PDE10A: variants seen among roughly 807,000 people sequenced by gnomAD.
PDE10A encodes cAMP and cAMP-inhibited cGMP 3',5'-cyclic phosphodiesterase 10A.
PDE10A carries 39 observed loss-of-function variants against 97.7 expected under a neutral mutation model. The observed-to-expected ratio is 0.40, with a 90% CI of 0.31 to 0.52. PDE10A has a LOEUF of 0.52. Among genes scored for constraint, PDE10A ranks in the 20% least tolerant of loss-of-function variants. The pLI is 0.56. For missense variants in PDE10A, 731 were observed against 1,047.8 expected, an observed-to-expected ratio of 0.70 and a Z score of 4.17; for synonymous variants, 371 against 376.8, an observed-to-expected ratio of 0.98 and a Z score of 0.18.
chr6:165,345,480 T>C (rs2128182524), intron 18 of PDE10A, among the ~76,000 whole-genome samples: 1 of 152,336 alleles, frequency 6.6e-6, no homozygotes, highest in Non-Finnish European at 1.5e-5. Context: ...GAAATATTAA[T>C]TGGGATCAAC....
intron 1 of PDE10A, among the ~76,000 whole-genome samples, chr6:165,563,209 G>A (rs1449735246): frequency 8.4e-6 from 1 of 119,372 alleles, no homozygotes; most frequent in African/African-American, 3.1e-5. Context: ...AGGGAGGGGG[G>A]AAAAAGAAAA....
At chr6:165,798,182 A>G (rs1405448798) in intron 1 of PDE10A, among the ~76,000 whole-genome samples, 1 of 152,248 alleles carries the variant, frequency 6.6e-6, no homozygotes, top group East Asian at 1.9e-4. Context: ...CTCAAAAATA[A>G]TATCACCATC....
intron 1 of PDE10A, among the ~76,000 whole-genome samples, chr6:165,960,041 T>C (rs147775431): frequency 5.7e-4 from 87 of 151,904 alleles, no homozygotes; most frequent in African/African-American, 2.1e-3. Flanking sequence ...ACCCAACACA[T>C]AGAACCAAGG....
At chr6:165,553,223 T>C (rs1414495096) in intron 1 of PDE10A, among the ~76,000 whole-genome samples, 2 of 152,188 alleles carry the variant, frequency 1.3e-5, no homozygotes, top group Non-Finnish European at 2.9e-5. Flanking sequence ...ATTTCTTTTT[T>C]TGGGGAGGAG....
intron 1 of PDE10A, among the ~76,000 whole-genome samples, chr6:165,630,200 T>C (rs541190891): frequency 6.6e-6 from 1 of 152,118 alleles, no homozygotes; most frequent in Admixed American, 6.5e-5. Context: ...ATACAAAAAT[T>C]AGCCAGGCGT....
intron 9 of PDE10A, 135 bp downstream of exon 9, chr6:165,430,152 C>A: frequency 1.6e-6 from 1 of 618,914 alleles, no homozygotes; most frequent in Non-Finnish European, 2.9e-6. Context: ...ATATGATTAA[C>A]CGTTCCCAGA....
At chr6:165,632,420 T>C (rs1788677326) in intron 1 of PDE10A, among the ~76,000 whole-genome samples, 1 of 152,090 alleles carries the variant, frequency 6.6e-6, no homozygotes, top group African/African-American at 2.4e-5. Context: ...GGACAAACAG[T>C]GAGACCTTCT....
chr6:165,576,768 T>A (rs1313330811), intron 1 of PDE10A, among the ~76,000 whole-genome samples: 1 of 152,232 alleles, frequency 6.6e-6, no homozygotes, highest in Admixed American at 6.5e-5. Context: ...CTGATTTCTG[T>A]CAACAGTACC....
chr6:165,935,516 A>G lies in PDE10A; in HGVS notation c.-615+52013T>C, dbSNP rs1284115792. Among the ~76,000 whole-genome samples the G allele has an allele frequency of 4.6e-5, 7 of 152,242 alleles. No individual in the cohort carries two copies. In the East Asian group the frequency reaches 9.6e-4, roughly 21 times the overall value. The stretch of plus-strand genomic sequence containing the variant: ...GGATCGATTTCTAAGGAAGAGGGAA[A>G]TCGTGGGCAAAATCCCAGGCAAGAA... On this transcript the variant is annotated intron_variant, in intron 1 of 19. Transcript: ENST00000366882.
At chr6:165,707,273 G>A (rs1274076926) in intron 1 of PDE10A, among the ~76,000 whole-genome samples, 1 of 152,162 alleles carries the variant, frequency 6.6e-6, no homozygotes, top group East Asian at 1.9e-4. Flanking sequence ...TGGGTGGCGG[G>A]CAGCTTGGTC....
Position 165,332,661 on chromosome 6 carries a change from AC to A in PDE10A, c.*363del. 4.5e-6 allele frequency: 1 copy of A among 222,634 alleles called. No individual in the cohort carries two copies. The highest frequency in any genetic ancestry group is 8.8e-6 in the Non-Finnish European group (1 of 113,180). The allele number at this position is 222,634 out of a possible 1,614,324, so 13.8% of individuals were successfully genotyped here. On this transcript the variant is annotated 3_prime_UTR_variant, in exon 22 of 22. Coordinates refer to ENST00000539869, the MANE Select transcript of PDE10A (RefSeq NM_001385079.1). ...CAATACCATAATAGTACCATTTTAA[AC>A]CCTTATTAGAAAGATACAATGGAAA...
At chr6:165,568,342 A>C (rs1178156099) in intron 1 of PDE10A, among the ~76,000 whole-genome samples, 1 of 152,044 alleles carries the variant, frequency 6.6e-6, no homozygotes, top group Non-Finnish European at 1.5e-5. Context: ...CACCCTCCTT[A>C]TCCACGGTTT....
intron 1 of PDE10A, among the ~76,000 whole-genome samples, chr6:165,957,973 A>C (rs1034430233): frequency 3.9e-5 from 6 of 152,208 alleles, no homozygotes; most frequent in Non-Finnish European, 7.3e-5. Context: ...GTTCCCCAGC[A>C]GTGGGCAGTG....
At chr6:165,650,185 G>A (rs1029918677) in intron 1 of PDE10A, among the ~76,000 whole-genome samples, 16 of 152,154 alleles carry the variant, frequency 1.1e-4, no homozygotes, top group Non-Finnish European at 1.9e-4. Context: ...TAATGAACAC[G>A]TGAACAGCAA....
At chr6:165,933,335 A>G (rs1430733505) in intron 1 of PDE10A, among the ~76,000 whole-genome samples, 1 of 152,122 alleles carries the variant, frequency 6.6e-6, no homozygotes, top group Non-Finnish European at 1.5e-5. Context: ...ACTAAAACCT[A>G]CTTCTCTTTT....
At chr6:165,342,140 G>T (rs561549944) in intron 19 of PDE10A, among the ~76,000 whole-genome samples, 2 of 151,908 alleles carry the variant, frequency 1.3e-5, no homozygotes, top group African/African-American at 4.8e-5. Flanking sequence ...TGATAAAATC[G>T]ACTAGTATCT....
intron 1 of PDE10A, among the ~76,000 whole-genome samples, chr6:165,755,419 T>G (rs1426387116): frequency 1.3e-5 from 2 of 152,216 alleles, no homozygotes; most frequent in African/African-American, 4.8e-5. Context: ...TTTGAAATGA[T>G]CCTGCAGAGG....
intron 1 of PDE10A, among the ~76,000 whole-genome samples, chr6:165,603,631 A>G (rs1787072123): frequency 6.6e-6 from 1 of 152,198 alleles, no homozygotes; most frequent in Non-Finnish European, 1.5e-5. Context: ...CTGGGAGGGG[A>G]GCAGCGTCCC....
chr6:165,561,054 C>T (rs1182987440), intron 1 of PDE10A, among the ~76,000 whole-genome samples: 1 of 152,056 alleles, frequency 6.6e-6, no homozygotes, highest in Non-Finnish European at 1.5e-5. Context: ...CCTGTCTCTA[C>T]TAAAAATACA....
Sources: allele counts gnomAD v4.1 joint callset (sites outside exome capture counted in the v4.1 genomes callset), GRCh38; gene constraint gnomAD v4.1.1; transcripts MANE v1.5; gene names NCBI Gene and HGNC (gene_info 2026-07-23, HGNC 2026-07-21).